The following SARM1 variants were observed in gnomAD, a reference collection of about 807,000 sequenced individuals.
SARM1 encodes sterile alpha and TIR motif containing 1, also known as NAD(+) hydrolase SARM1.
A neutral mutation model predicts 65.1 loss-of-function variants in SARM1; 60 were observed. That is an observed-to-expected ratio of 0.92 (90% CI 0.75 to 1.14). The LOEUF (loss-of-function observed/expected upper bound fraction) is 1.14. Ranked by LOEUF, SARM1 falls within the 50% of genes most tolerant of loss-of-function variation. The probability of loss-of-function intolerance (pLI) is 0.00; values close to 1 mark genes in which losing one functional copy is unlikely to be tolerated. For synonymous variants in SARM1, 417 were observed against 465.4 expected, an observed-to-expected ratio of 0.90 and a Z score of 1.34; for missense variants, 913 against 1,015.7, an observed-to-expected ratio of 0.90 and a Z score of 1.37.
Position 28,396,289 on chromosome 17 carries a change from A to T in SARM1, c.*3A>T, listed in dbSNP as rs367878633. ...CTGCACCCATGGGTCCAACCTAACC[A>T]GTCCCCAGTTCCCCAGCCCTGCTGT... On this transcript the variant is annotated 3_prime_UTR_variant, in exon 9 of 9. Coordinates refer to ENST00000585482, the MANE Select transcript of SARM1 (RefSeq NM_015077.4). 2.9e-5 allele frequency: 46 copies of T among 1,613,784 alleles called. No individual in the cohort carries two copies. In the African/African-American group the frequency reaches 6.1e-4, roughly 22 times the overall value.
At chr17:28,374,731 C>T (rs1275464589) in intron 1 of SARM1, among the ~76,000 whole-genome samples, 6 of 152,096 alleles carry the variant, frequency 3.9e-5, no homozygotes, top group Admixed American at 6.6e-5. Context: ...AATTCCAGCA[C>T]TTTGGGAAGC....
rs531829778 is a variant in SARM1 at position 28,384,157 on chromosome 17, C to T, written c.1090-200C>T. ...TAGGCCCCTCCGCCCCCAACCCATC[C>T]GAGTCAGGACCTGGTCAAGAATTGA... On this transcript the variant is annotated intron_variant, in intron 2 of 8. Coordinates refer to ENST00000585482, the MANE Select transcript of SARM1 (RefSeq NM_015077.4). This position sits in a 1 kb window ranked among gnomAD's most constrained non-coding sequence, Gnocchi z 4.4. Among the ~76,000 whole-genome samples the T allele has an allele frequency of 6.6e-6, 1 of 152,262 alleles. No individual in the cohort carries two copies. Among genetic ancestry groups the T allele is most frequent in the South Asian group, 2.1e-4 (1 of 4,818 alleles).
rs2068039646 is a variant in SARM1 at position 28,384,499 on chromosome 17, G to A, written c.1232G>A (p.Ser411Asn). 1 of 1,613,542 alleles carries A rather than the reference G, an allele frequency of 6.2e-7. No individual in the cohort carries two copies. Among genetic ancestry groups the A allele is most frequent in the Admixed American group, 1.7e-5 (1 of 59,970 alleles). ...VPRPILPSVP[S>N]WKEAEVQTWL... ...CGGCCCATCCTGCCCTCCGTGCCCA[G>A]CTGGAAGGAGGCCGAGGTTCAGACG... The change falls in exon 3 of 9, where the codon AGC (serine) becomes AAC (asparagine). Residue 411 changes from serine to asparagine, a missense_variant. Physicochemically the swap from Ser to Asn is conservative, Grantham distance 46. Transcript: ENST00000585482. The surrounding 1 kb of genome is among the most constrained non-coding windows in gnomAD (Gnocchi z 4.4).
Position 28,399,725 on chromosome 17 carries a change from CA to C in SARM1, c.*3440del. On this transcript the variant is annotated 3_prime_UTR_variant, in exon 9 of 9. Transcript: ENST00000585482. ...CCTTTTCCAGCATCCTGTGAGAGAC[CA>C]GAGAGAGAGTTTGGATTTCATGTGG... 1 of 1,613,724 alleles carries C rather than the reference CA, an allele frequency of 6.2e-7. No homozygotes were observed. The highest frequency in any genetic ancestry group is 8.5e-7 in the Non-Finnish European group (1 of 1,179,786).
At position 28,381,572 on chromosome 17, in the gene SARM1, C is replaced by G. The variant is rs1555585271; in HGVS notation, c.840C>G (p.Asn280Lys). 1 of 1,592,744 alleles carries G rather than the reference C, an allele frequency of 6.3e-7. No homozygotes were observed. Among genetic ancestry groups the G allele is most frequent in the South Asian group, 1.1e-5 (1 of 87,478 alleles). The change falls in exon 2 of 9, where the codon AAC (asparagine) becomes AAG (lysine). Residue 280 changes from asparagine (N) to lysine (K), a missense_variant. Asn to Lys is a moderately conservative substitution (Grantham distance 94). Around this residue, in one of 3 missense-constraint regions of SARM1, gnomAD observed 862 missense variants for 952.1 expected, o/e 0.91. Coordinates refer to ENST00000585482, the MANE Select transcript of SARM1 (RefSeq NM_015077.4). ...ACLAVAVLAT[N>K]KEVEREVERS... ...TCGCAGTAGCGGTGTTGGCGACTAACAAGGAGGTGGAGCGCGAGGTGGAGC... is the reference window on the plus strand; with the variant it reads ...TCGCAGTAGCGGTGTTGGCGACTAAGAAGGAGGTGGAGCGCGAGGTGGAGC...
chr17:28,372,477 G>GA lies in SARM1; in HGVS notation c.446dup (p.Gln150AlafsTer6). The stretch of plus-strand genomic sequence containing the variant: ...GCGTGTGCAGGCCGCGCGCCTGCTG[G>GA]AGCAGATCCTGGTGGCTGAGAACCG... On this transcript the variant is annotated frameshift_variant, in exon 1 of 9. Transcript: ENST00000585482. LOFTEE classifies it high-confidence loss of function. The surrounding 1 kb of genome is among the most constrained non-coding windows in gnomAD (Gnocchi z 5.2). The GA allele has an allele frequency of 6.5e-7, 1 of 1,529,592 alleles. No individual in the cohort carries two copies. Among genetic ancestry groups the GA allele is most frequent in the Non-Finnish European group, 8.7e-7 (1 of 1,145,170 alleles). 94.8% of individuals were successfully genotyped at this position (1,529,592 alleles called of 1,614,324 possible).
rs2068176042 is a variant in SARM1 at position 28,399,933 on chromosome 17, G to T, written c.*3647G>T. 3 of 538,822 alleles carry T rather than the reference G, an allele frequency of 5.6e-6. No homozygotes were observed. Among genetic ancestry groups the T allele is most frequent in the Admixed American group, 3.0e-5 (1 of 33,278 alleles). The allele number at this position is 538,822 out of a possible 1,614,324, so 33.4% of individuals were successfully genotyped here. On this transcript the variant is annotated 3_prime_UTR_variant, in exon 9 of 9. Transcript: ENST00000585482. ...TTAAGAGACAGGGTCTTGCTCTGTT[G>T]TCCAGGCTGGAGGGCAGTGACATAA...
chr17:28,384,286 G>T lies in SARM1; in HGVS notation c.1090-71G>T. 1 of 1,282,186 alleles carries T rather than the reference G, an allele frequency of 7.8e-7. No homozygotes were observed. Among genetic ancestry groups the T allele is most frequent in the South Asian group, 1.5e-5 (1 of 68,900 alleles). 79.4% of individuals were successfully genotyped at this position (1,282,186 alleles called of 1,614,324 possible). On this transcript the variant is annotated intron_variant, in intron 2 of 8. Coordinates refer to ENST00000585482, the MANE Select transcript of SARM1 (RefSeq NM_015077.4). The surrounding 1 kb of genome is among the most constrained non-coding windows in gnomAD (Gnocchi z 4.4). ...TGGGTTGTGAGAAGAGACAAGGAGA[G>T]GGACTGGGCACGTGTGGGAGCACCT...
At position 28,402,298 on chromosome 17, in the gene SARM1, A is replaced by AT; in HGVS notation, c.*6013dup. On this transcript the variant is annotated 3_prime_UTR_variant, in exon 9 of 9. Coordinates refer to ENST00000585482, the MANE Select transcript of SARM1 (RefSeq NM_015077.4). The stretch of plus-strand genomic sequence containing the variant: ...GCCCGGATGACAGGTGTGATGACTA[A>AT]TGACAGGAAAAGCAACCCATATCCT... 6.2e-7 allele frequency: 1 copy of AT among 1,613,560 alleles called. No individual in the cohort carries two copies. The highest frequency in any genetic ancestry group is 8.5e-7 in the Non-Finnish European group (1 of 1,179,724).
intron 5 of SARM1, among the ~76,000 whole-genome samples, chr17:28,386,056 G>C (rs1477010558): frequency 6.6e-6 from 1 of 152,156 alleles, no homozygotes. Flanking sequence ...GACTTTGGGA[G>C]GCCAAGGCAG....
At position 28,381,447 on chromosome 17, in the gene SARM1, C is replaced by A; in HGVS notation, c.715C>A (p.Gln239Lys). The change falls in exon 2 of 9, where the codon CAG (glutamine) becomes AAG (lysine). Residue 239 changes from glutamine to lysine, a missense_variant. Gln to Lys is a moderately conservative substitution (Grantham distance 53, BLOSUM62 1). This residue lies in a region of SARM1 where 862 missense variants were observed against 952.1 expected (regional missense o/e 0.91). Coordinates refer to ENST00000585482, the MANE Select transcript of SARM1 (RefSeq NM_015077.4). ...ALGNCALHGG[Q>K]AVQRRMVEKR... The stretch of plus-strand genomic sequence containing the variant: ...GGGCAACTGCGCGCTGCACGGGGGC[C>A]AGGCGGTGCAGCGACGCATGGTAGA... The A allele has an allele frequency of 6.5e-7, 1 of 1,547,608 alleles. No homozygotes were observed. Among genetic ancestry groups the A allele is most frequent in the Non-Finnish European group, 8.7e-7 (1 of 1,145,864 alleles).
Position 28,400,609 on chromosome 17 carries a change from C to G in SARM1, c.*4323C>G. ...AGCATGGGTTCAGGGCCCTGCATTACCCAATCAGAACAGCCGGGATGAGCA... is the reference window on the plus strand; with the variant it reads ...AGCATGGGTTCAGGGCCCTGCATTAGCCAATCAGAACAGCCGGGATGAGCA... On this transcript the variant is annotated 3_prime_UTR_variant, in exon 9 of 9. Coordinates refer to ENST00000585482, the MANE Select transcript of SARM1 (RefSeq NM_015077.4). 1 of 1,613,612 alleles carries G rather than the reference C, an allele frequency of 6.2e-7. No individual in the cohort carries two copies. The highest frequency in any genetic ancestry group is 8.5e-7 in the Non-Finnish European group (1 of 1,179,726).
In SARM1 at chr17:28,388,545, T is replaced by C; in HGVS notation, c.1923+6T>C. The C allele has an allele frequency of 6.2e-7, 1 of 1,611,306 alleles. No homozygotes were observed. Among genetic ancestry groups the C allele is most frequent in the South Asian group, 1.1e-5 (1 of 91,042 alleles). Reference sequence around the variant, plus strand: ...GCAAGGATTGGGTGCATAAGGTAGGTGCCTGCCTATGCTTCTGCGGTCCCA... The same window carrying C: ...GCAAGGATTGGGTGCATAAGGTAGGCGCCTGCCTATGCTTCTGCGGTCCCA... On this transcript the variant is annotated splice_donor_region_variant and intron_variant, in intron 7 of 8. Coordinates refer to ENST00000585482, the MANE Select transcript of SARM1 (RefSeq NM_015077.4).
intron 7 of SARM1, chr17:28,394,773 A>C (rs1245199628): frequency 2.0e-5 from 3 of 152,352 alleles, no homozygotes. Context: ...CTCCAAAGGC[A>C]TGGGGTGAGC....
chr17:28,388,398 T>TCCACATCA lies in SARM1; in HGVS notation c.1782_1783insCCACATCA (p.Val595ProfsTer53), dbSNP rs1555586404. On this transcript the variant is annotated frameshift_variant, in exon 7 of 9. Coordinates refer to ENST00000585482, the MANE Select transcript of SARM1 (RefSeq NM_015077.4). LOFTEE classifies it high-confidence loss of function. ...TGCATGGCTTCAGTGTCTTCATTGA[T>TCCACATCA]GTGGAGAAGCTGGAAGCAGGCAAGT... 4.3e-6 allele frequency: 7 copies of TCCACATCA among 1,613,852 alleles called. No individual in the cohort carries two copies. The East Asian group carries it at 1.6e-4, about 36-fold the overall frequency.
In SARM1 at chr17:28,385,992, G is replaced by A. The variant is rs1278488928; in HGVS notation, c.1630+717G>A. Reference sequence around the variant, plus strand: ...AGAACTCTTGAAAGAATAAAAAGAGGAGTAAGTGTCCAGTTTGAGGGCCGG... The same window carrying A: ...AGAACTCTTGAAAGAATAAAAAGAGAAGTAAGTGTCCAGTTTGAGGGCCGG... On this transcript the variant is annotated intron_variant, in intron 5 of 8. Coordinates refer to ENST00000585482, the MANE Select transcript of SARM1 (RefSeq NM_015077.4). The surrounding 1 kb of genome is among the most constrained non-coding windows in gnomAD (Gnocchi z 4.5). Among the ~76,000 whole-genome samples, 1 of 152,116 alleles carries A rather than the reference G, an allele frequency of 6.6e-6. No individual in the cohort carries two copies. Among genetic ancestry groups the A allele is most frequent in the African/African-American group, 2.4e-5 (1 of 41,418 alleles).
At position 28,403,041 on chromosome 17, in the gene SARM1, G is replaced by A. The variant is rs1427063873; in HGVS notation, c.*6755G>A. 1 of 152,298 alleles carries A rather than the reference G, an allele frequency of 6.6e-6. No homozygotes were observed. Among genetic ancestry groups the A allele is most frequent in the Admixed American group, 6.5e-5 (1 of 15,284 alleles). The allele number at this position is 152,298 out of a possible 1,614,324, so 9.4% of individuals were successfully genotyped here. ...AATGTGAGCACAGAGGCAGAGACTG[G>A]TGATGGCCGCCCCAAGCCAAGGAAT... On this transcript the variant is annotated 3_prime_UTR_variant, in exon 9 of 9. Coordinates refer to ENST00000585482, the MANE Select transcript of SARM1 (RefSeq NM_015077.4).
Position 28,372,401 on chromosome 17 carries a change from T to A in SARM1, c.369T>A (p.Asp123Glu), listed in dbSNP as rs2067963191. The A allele has an allele frequency of 6.5e-7, 1 of 1,528,774 alleles. No homozygotes were observed. The highest frequency in any genetic ancestry group is 2.0e-5 in the Admixed American group (1 of 50,728). 94.7% of individuals were successfully genotyped at this position (1,528,774 alleles called of 1,614,324 possible). A position where few individuals can be genotyped will look rare whatever the true frequency, so the allele number is the denominator to read the frequency against. ...GTCTGTGCGACGCCATCCGCCTCGA[T>A]GGCGGCCTCGACCTGCTGTTGCGGC... ...AQGLCDAIRL[D>E]GGLDLLLRLL... The change falls in exon 1 of 9, where the codon GAT (aspartate) becomes GAA (glutamate). Residue 123 changes from aspartate to glutamate, a missense_variant. Coordinates refer to ENST00000585482, the MANE Select transcript of SARM1 (RefSeq NM_015077.4). The surrounding 1 kb of genome is among the most constrained non-coding windows in gnomAD (Gnocchi z 5.2).
Position 28,385,484 on chromosome 17 carries a change from G to T in SARM1, c.1630+209G>T, listed in dbSNP as rs1293881173. On this transcript the variant is annotated intron_variant, in intron 5 of 8. Coordinates refer to ENST00000585482, the MANE Select transcript of SARM1 (RefSeq NM_015077.4). This position sits in a 1 kb window ranked among gnomAD's most constrained non-coding sequence, Gnocchi z 4.5. Reference sequence around the variant, plus strand: ...AGTCTGAGGTGGGTAGGCGGTGGGAGGAAGGAGGCTATTAAACAGGCAAGC... The same window carrying T: ...AGTCTGAGGTGGGTAGGCGGTGGGATGAAGGAGGCTATTAAACAGGCAAGC... 2 of 574,896 alleles carry T rather than the reference G, an allele frequency of 3.5e-6. No homozygotes were observed. Among genetic ancestry groups the T allele is most frequent in the Non-Finnish European group, 6.1e-6 (2 of 328,530 alleles). 35.6% of individuals were successfully genotyped at this position (574,896 alleles called of 1,614,324 possible). A position where few individuals can be genotyped will look rare whatever the true frequency, so the allele number is the denominator to read the frequency against.
Sources: gnomAD v4.1 joint callset for allele counts (sites outside exome capture counted in the v4.1 genomes callset) on GRCh38, gnomAD v4.1.1 for gene constraint, gnomAD v4.1.1 regional missense constraint, Gnocchi (gnomAD v3.1) non-coding constraint, MANE v1.5 for transcripts, NCBI Gene and HGNC (gene_info 2026-07-23, HGNC 2026-07-21) for gene names.